The following KLRC3 variants were observed in gnomAD, a reference collection of about 807,000 sequenced individuals.
KLRC3 encodes the protein NKG2-E type II integral membrane protein.
KLRC3 carries 16 observed loss-of-function variants against 23.6 expected under a neutral mutation model. The observed-to-expected ratio is 0.68, with a 90% confidence interval of 0.46 to 1.03. The LOEUF (loss-of-function observed/expected upper bound fraction) is 1.03, where lower values mean the gene tolerates loss of function less well. KLRC3 is among the 50% of genes least tolerant of loss of function. KLRC3 has a pLI of 0.00. For missense variants in KLRC3, 209 were observed against 232.2 expected, an observed-to-expected ratio of 0.90 and a Z score of 0.65; for synonymous variants, 70 against 71.8, an observed-to-expected ratio of 0.98 and a Z score of 0.13.
At chr12:10,415,683 A>C in intron 6 of KLRC3, 21 bp downstream of exon 6, 2 of 1,613,458 alleles carry the variant, frequency 1.2e-6, no homozygotes, top group Non-Finnish European at 8.5e-7. Flanking sequence ...CAAGCGCTTT[A>C]ATTCTAAAGC....
intron 6 of KLRC3, 103 bp from the exon 7 acceptor site, chr12:10,412,719 C>G: frequency 1.6e-6 from 1 of 644,776 alleles, no homozygotes; most frequent in Non-Finnish European, 2.7e-6. Flanking sequence ...GAGGTGAGGT[C>G]GAGGCTGCAG....
intron 6 of KLRC3, among the ~76,000 whole-genome samples, chr12:10,415,252 G>C (rs2741886): frequency 6.6e-6 from 1 of 152,178 alleles, no homozygotes; most frequent in East Asian, 1.9e-4. Flanking sequence ...GATGTTTAGT[G>C]TATTCACAGA....
In KLRC3 at chr12:10,415,697, T is replaced by G; in HGVS notation, c.678+7A>C. ...TCAAGCGCTTTAATTCTAAAGCTTA[T>G]GCTCACAATGATTCTTGAAGATCCA... On this transcript the variant is annotated splice_region_variant and intron_variant, in intron 6 of 6. Coordinates refer to ENST00000396439, the MANE Select transcript of KLRC3 (RefSeq NM_002261.3). The G allele has an allele frequency of 6.2e-7, 1 of 1,613,258 alleles. No individual in the cohort carries two copies. The highest frequency in any genetic ancestry group is 8.5e-7 in the Non-Finnish European group (1 of 1,179,498).
chr12:10,418,748 T>C (rs1863681135), intron 3 of KLRC3, among the ~76,000 whole-genome samples: 1 of 152,152 alleles, frequency 6.6e-6, no homozygotes, highest in Admixed American at 6.5e-5. Flanking sequence ...CACACATGTC[T>C]TGAACCTCAC....
At chr12:10,416,279 G>C (rs897784345) in intron 5 of KLRC3, among the ~76,000 whole-genome samples, 1 of 152,208 alleles carries the variant, frequency 6.6e-6, no homozygotes, top group East Asian at 1.9e-4. Context: ...ATGTGGCCCA[G>C]GAAGCTTTCA....
At chr12:10,416,453 C>T (rs933874238) in intron 5 of KLRC3, among the ~76,000 whole-genome samples, 4 of 152,194 alleles carry the variant, frequency 2.6e-5, no homozygotes, top group Admixed American at 1.3e-4. Context: ...ATTAGACACC[C>T]CTGGTCCATC....
At position 10,413,362 on chromosome 12, in the gene KLRC3, C is replaced by G. The variant is rs76879108; in HGVS notation, c.679-746G>C. On this transcript the variant is annotated intron_variant, in intron 6 of 6. Coordinates refer to ENST00000396439, the MANE Select transcript of KLRC3 (RefSeq NM_002261.3). ...TGAAAAGGCACAGATATTTTATTCCCAGTTTAAACATGGCAATACCATTAT... is the reference window on the plus strand; with the variant it reads ...TGAAAAGGCACAGATATTTTATTCCGAGTTTAAACATGGCAATACCATTAT... 2.2e-3 allele frequency among the ~76,000 whole-genome samples: 335 copies of G among 152,244 alleles called. 1 individual carries two copies. The highest frequency in any genetic ancestry group is 3.9e-3 in the Non-Finnish European group (267 of 68,008).
chr12:10,415,202 T>C (rs1341510886), intron 6 of KLRC3, among the ~76,000 whole-genome samples: 7 of 152,300 alleles, frequency 4.6e-5, no homozygotes, highest in African/African-American at 1.7e-4. Flanking sequence ...ACGGTGCACA[T>C]AGCATAAATT....
rs975990307 is a variant in KLRC3 at position 10,420,488 on chromosome 12, T to C, written c.63A>G (p.Gln21=). 1.2e-6 allele frequency: 2 copies of C among 1,611,982 alleles called. No homozygotes were observed. The highest frequency in any genetic ancestry group is 2.7e-5 in the African/African-American group (2 of 74,334). ...VSLAQDPKWQ[Q]RKPKGNKSSI... ...AGCTTTTATTGCCTTTAGGTTTCCT[T>C]TGCTGCCACTTTGGGTCCTGGGCCA... The change falls in exon 1 of 7, where the codon CAA becomes CAG. Residue 21 remains glutamine, a synonymous_variant. Transcript: ENST00000396439.
rs1370536207 is a variant in KLRC3, at chr12:10,418,381, G to C, written c.449C>G (p.Ser150Cys). Residue 150 changes from serine (S) to cysteine (C), a missense_variant, in exon 4 of 7, where the codon TCT becomes TGT. Around this residue, in one of 4 missense-constraint regions of KLRC3, gnomAD observed 109 missense variants for 113.2 expected, o/e 0.96. Transcript: ENST00000396439. ...ATTATCTATACAAAGCAGACTAGAA[G>C]AGTTCTTTGAAGCACAGGCCTGCAA... The part of the protein sequence containing the change: ...ESLQACASKN[S>C]SSLLCIDNEE... 1.2e-6 allele frequency: 2 copies of C among 1,611,652 alleles called. No individual in the cohort carries two copies. The highest frequency in any genetic ancestry group is 2.7e-5 in the African/African-American group (2 of 74,946).
chr12:10,414,461 A>G, intron 6 of KLRC3, among the ~76,000 whole-genome samples: 1 of 151,948 alleles, frequency 6.6e-6, no homozygotes. Flanking sequence ...GTAAAATTTG[A>G]TTGTACCTTC....
intron 3 of KLRC3, among the ~76,000 whole-genome samples, 193 bp from the exon 4 acceptor site, chr12:10,418,691 C>G (rs1350209185): frequency 1.3e-5 from 2 of 152,152 alleles, no homozygotes; most frequent in Admixed American, 6.5e-5. Flanking sequence ...CCTCTCTCCC[C>G]TAATTGTGTT....
intron 1 of KLRC3, among the ~76,000 whole-genome samples, 184 bp downstream of exon 1, chr12:10,420,180 C>T (rs1370009564): frequency 6.6e-6 from 1 of 152,118 alleles, no homozygotes; most frequent in Non-Finnish European, 1.5e-5. Context: ...TTGCAGATTA[C>T]AGTTGATTAC....
chr12:10,416,567 AT>A, intron 5 of KLRC3, 99 bp downstream of exon 5: 1 of 1,375,352 alleles, frequency 7.3e-7, no homozygotes, highest in East Asian at 2.5e-5. Context: ...AACTTTCCAC[AT>A]CTTTCTTCAT....
At chr12:10,416,355 T>C (rs919390679) in intron 5 of KLRC3, among the ~76,000 whole-genome samples, 4 of 152,242 alleles carry the variant, frequency 2.6e-5, no homozygotes, top group African/African-American at 9.6e-5. Context: ...AATTTTTTTG[T>C]TTAGCTCATC....
rs778398468 is a variant in KLRC3 at position 10,420,481 on chromosome 12, G to A, written c.70C>T (p.Pro24Ser). 6.2e-7 allele frequency: 1 copy of A among 1,611,624 alleles called. No homozygotes were observed. Among genetic ancestry groups the A allele is most frequent in the African/African-American group, 1.3e-5 (1 of 74,192 alleles). ...GAAATGGAGCTTTTATTGCCTTTAG[G>A]TTTCCTTTGCTGCCACTTTGGGTCC... The part of the protein sequence containing the change: ...AQDPKWQQRK[P>S]KGNKSSISGT... Residue 24 changes from proline to serine, a missense_variant, in exon 1 of 7, where the codon CCT (proline) becomes TCT (serine). Around this residue, in one of 4 missense-constraint regions of KLRC3, gnomAD observed 9 missense variants for 28.5 expected, o/e 0.32. Transcript: ENST00000396439.
In KLRC3 at chr12:10,412,431, C is replaced by T; in HGVS notation, c.*141G>A. ...AGAGAGGGAAAAGTAATTTTTAAAA[C>T]ATCATCTAGTTAAAAATAGGGAGGG... On this transcript the variant is annotated 3_prime_UTR_variant, in exon 7 of 7. Transcript: ENST00000396439. 3.1e-6 allele frequency: 2 copies of T among 647,594 alleles called. No homozygotes were observed. Among genetic ancestry groups the T allele is most frequent in the Non-Finnish European group, 5.5e-6 (2 of 364,772 alleles). 40.1% of individuals were successfully genotyped at this position (647,594 alleles called of 1,614,324 possible).
At position 10,412,787 on chromosome 12, in the gene KLRC3, T is replaced by C. The variant is rs532476965; in HGVS notation, c.679-171A>G. ...AATATACTTCATAATGATAAATTAA[T>C]TTTCCAAACCATTAGTAATATATTT... On this transcript the variant is annotated intron_variant, in intron 6 of 6. Transcript: ENST00000396439. 5.5e-4 allele frequency among the ~76,000 whole-genome samples: 83 copies of C among 152,288 alleles called. 1 individual carries two copies. The South Asian group carries it at 0.017, about 30-fold the overall frequency.
intron 6 of KLRC3, among the ~76,000 whole-genome samples, 182 bp from the exon 7 acceptor site, chr12:10,412,798 A>T (rs1247478045): frequency 6.6e-6 from 1 of 152,208 alleles, no homozygotes; most frequent in African/African-American, 2.4e-5. Flanking sequence ...TTTCCAAACC[A>T]TTAGTAATAT....
Sources: allele counts gnomAD v4.1 joint callset (sites outside exome capture counted in the v4.1 genomes callset), GRCh38; gene constraint gnomAD v4.1.1; regional missense constraint gnomAD v4.1.1; transcripts MANE v1.5; gene names NCBI Gene and HGNC (gene_info 2026-07-23, HGNC 2026-07-21).